FRRS1: variants seen among roughly 807,000 people sequenced by gnomAD.
FRRS1 encodes the protein ferric chelate reductase 1.
A neutral mutation model predicts 70.7 loss-of-function variants in FRRS1; 51 were observed. That is an observed-to-expected ratio of 0.72 (90% CI 0.58 to 0.91). The LOEUF is 0.91. FRRS1 is among the 40% of genes least tolerant of loss of function. FRRS1 has a pLI of 0.00. For missense variants in FRRS1, 672 were observed against 726.0 expected (o/e 0.93, Z 0.86); for synonymous variants, 225 against 238.7 (o/e 0.94, Z 0.53).
In FRRS1 at chr1:99,706,525, T is replaced by C. The variant is rs1405720340; in HGVS notation, c.*2503A>G. 6.6e-6 allele frequency among the ~76,000 whole-genome samples: 1 copy of C among 152,042 alleles called. No homozygotes were observed. The highest frequency in any genetic ancestry group is 2.4e-5 in the African/African-American group (1 of 41,396). ...CACTGAAAAAGAAAAAGTTAAAATA[T>C]CTTAGCCTCAACACTCGAAATATAG... On this transcript the variant is annotated 3_prime_UTR_variant, in exon 17 of 17. Transcript: ENST00000646001.
In FRRS1 at chr1:99,747,247, G is replaced by A. The variant is rs771615436; in HGVS notation, c.333+47C>T. The A allele has an allele frequency of 5.3e-6, 8 of 1,509,872 alleles. No individual in the cohort carries two copies. In the African/African-American group the frequency reaches 1.1e-4, roughly 21 times the overall value. The allele number at this position is 1,509,872 out of a possible 1,614,324, so 93.5% of individuals were successfully genotyped here. A position where few individuals can be genotyped will look rare whatever the true frequency, so the allele number is the denominator to read the frequency against. On this transcript the variant is annotated intron_variant, in intron 4 of 16. Transcript: ENST00000646001. ...TCCAATTTCCCCAGGGGTGGGGTCTGCACCTGTAACCTCCACATTGTTCAA... is the reference window on the plus strand; with the variant it reads ...TCCAATTTCCCCAGGGGTGGGGTCTACACCTGTAACCTCCACATTGTTCAA...
intron 5 of FRRS1, 43 bp from the exon 6 acceptor site, chr1:99,740,983 T>A: frequency 6.4e-7 from 1 of 1,564,992 alleles, no homozygotes; most frequent in Non-Finnish European, 8.8e-7. Flanking sequence ...AATTGTGTCC[T>A]GTCACAATCA....
intron 3 of FRRS1, chr1:99,747,700 A>C (rs1656353568): frequency 3.2e-6 from 1 of 315,218 alleles, no homozygotes; most frequent in Admixed American, 4.7e-5. Flanking sequence ...CATAAGGCTA[A>C]GTTAGTTTGG....
intron 12 of FRRS1, among the ~76,000 whole-genome samples, chr1:99,713,341 T>C (rs182677674): frequency 3.3e-5 from 5 of 152,336 alleles, no homozygotes; most frequent in African/African-American, 7.2e-5. Context: ...TATTCATAAA[T>C]TGCAAAGGCT....
chr1:99,730,563 A>T (rs7540659), intron 7 of FRRS1, among the ~76,000 whole-genome samples: 75,171 of 151,876 alleles, frequency 0.49, 22,516 homozygotes, highest in African/African-American at 0.85. Context: ...CCTAAAAAAA[A>T]TTTTTTAAAA....
intron 10 of FRRS1, among the ~76,000 whole-genome samples, chr1:99,718,353 G>A (rs140160589): frequency 2.3e-3 from 346 of 152,238 alleles, no homozygotes; most frequent in African/African-American, 8.1e-3. Flanking sequence ...TTGGGGGATG[G>A]AGTCTCAGTC....
chr1:99,727,005 G>A (rs1655111171), intron 9 of FRRS1, among the ~76,000 whole-genome samples: 1 of 152,282 alleles, frequency 6.6e-6, no homozygotes, highest in East Asian at 1.9e-4. Flanking sequence ...GTGAGCCACT[G>A]CACCCAGTCC....
intron 4 of FRRS1, among the ~76,000 whole-genome samples, chr1:99,746,737 A>G (rs886491579): frequency 6.6e-6 from 1 of 152,254 alleles, no homozygotes; most frequent in African/African-American, 2.4e-5. Flanking sequence ...TTCTTCTACG[A>G]CATGGACCCT....
chr1:99,724,625 A>G (rs556874039), intron 9 of FRRS1, among the ~76,000 whole-genome samples: 1 of 152,192 alleles, frequency 6.6e-6, no homozygotes, highest in Non-Finnish European at 1.5e-5. Flanking sequence ...TCAATTTATA[A>G]ATGGTCCACA....
chr1:99,713,047 A>G (rs925705648), intron 12 of FRRS1, among the ~76,000 whole-genome samples: 3 of 152,238 alleles, frequency 2.0e-5, no homozygotes, highest in East Asian at 1.9e-4. Context: ...TTAGAGATAT[A>G]AAGGGTTCTA....
chr1:99,753,943 G>C (rs905092304), intron 1 of FRRS1, among the ~76,000 whole-genome samples: 1 of 152,176 alleles, frequency 6.6e-6, no homozygotes, highest in Non-Finnish European at 1.5e-5. Flanking sequence ...TAAATGCATA[G>C]AGAAAGATAT....
chr1:99,752,209 C>CTTTCTCTTTGCATT (rs1656604278), intron 1 of FRRS1, among the ~76,000 whole-genome samples: 1 of 152,182 alleles, frequency 6.6e-6, no homozygotes, highest in Non-Finnish European at 1.5e-5. Flanking sequence ...CCATTTTGTT[C>CTTTCTCTTTGCATT]AAGAACTTTC....
At chr1:99,716,151 G>A (rs1390881620) in intron 11 of FRRS1, among the ~76,000 whole-genome samples, 1 of 152,162 alleles carries the variant, frequency 6.6e-6, no homozygotes, top group African/African-American at 2.4e-5. Context: ...ATACAAATTA[G>A]GAGAATAAGT....
At chr1:99,759,452 C>A (rs765693721) in intron 1 of FRRS1, among the ~76,000 whole-genome samples, 59 of 152,200 alleles carry the variant, frequency 3.9e-4, no homozygotes, top group Non-Finnish European at 6.0e-4. Context: ...AGCATTTCAT[C>A]TAGGATTTGG....
chr1:99,738,768 T>C (rs1204792003), intron 6 of FRRS1, among the ~76,000 whole-genome samples: 1 of 152,214 alleles, frequency 6.6e-6, no homozygotes, highest in East Asian at 1.9e-4. Flanking sequence ...CTTCTAGAAT[T>C]CTGATTCAAA....
chr1:99,704,121 G>A lies in FRRS1; in HGVS notation c.*4907C>T, dbSNP rs1387558050. Among the ~76,000 whole-genome samples the A allele has an allele frequency of 6.6e-6, 1 of 152,158 alleles. No homozygotes were observed. The highest frequency in any genetic ancestry group is 1.5e-5 in the Non-Finnish European group (1 of 68,040). On this transcript the variant is annotated 3_prime_UTR_variant, in exon 17 of 17. Coordinates refer to ENST00000646001, the MANE Select transcript of FRRS1 (RefSeq NM_001361041.2). Reference sequence around the variant, plus strand: ...ATCATCAAAAACATGTACGAAGCAAGCACCTTTTGCTGGCATCACTTCATT... The same window carrying A: ...ATCATCAAAAACATGTACGAAGCAAACACCTTTTGCTGGCATCACTTCATT...
chr1:99,707,745 A>T lies in FRRS1; in HGVS notation c.*1283T>A, dbSNP rs1654071959. On this transcript the variant is annotated 3_prime_UTR_variant, in exon 17 of 17. Transcript: ENST00000646001. ...GTACTTCGGTATTACAGCGCCACCC[A>T]CTGGCTAGAAGTCCTCATAGCACAT... Among the ~76,000 whole-genome samples the T allele has an allele frequency of 1.3e-5, 2 of 152,218 alleles. No homozygotes were observed. Among genetic ancestry groups the T allele is most frequent in the South Asian group, 2.1e-4 (1 of 4,834 alleles).
chr1:99,751,203 C>A (rs1261077517), intron 1 of FRRS1, among the ~76,000 whole-genome samples: 1 of 152,140 alleles, frequency 6.6e-6, no homozygotes, highest in East Asian at 1.9e-4. Flanking sequence ...ACAGGACTTA[C>A]ACCAGCAATC....
rs144949239 is a variant in FRRS1 at position 99,708,962 on chromosome 1, G to C, written c.*66C>G. 162 of 1,613,830 alleles carry C rather than the reference G, an allele frequency of 1.0e-4. No homozygotes were observed. Among genetic ancestry groups the C allele is most frequent in the Non-Finnish European group, 1.4e-4 (160 of 1,179,996 alleles). On this transcript the variant is annotated 3_prime_UTR_variant, in exon 17 of 17. Coordinates refer to ENST00000646001, the MANE Select transcript of FRRS1 (RefSeq NM_001361041.2). The stretch of plus-strand genomic sequence containing the variant: ...AATATGCTCCAGGCAGTCAGGACAG[G>C]CTTCAAGTTTCTTTGGTTTGATGAT...
Sources: gnomAD v4.1 joint callset for allele counts (sites outside exome capture counted in the v4.1 genomes callset) on GRCh38, gnomAD v4.1.1 for gene constraint, MANE v1.5 for transcripts, NCBI Gene and HGNC (gene_info 2026-07-23, HGNC 2026-07-21) for gene names.